ATRNL1: variants seen among roughly 807,000 people sequenced by gnomAD.
ATRNL1 encodes attractin like 1, also known as attractin-like protein 1.
In ATRNL1, 95 loss-of-function variants were observed where a neutral mutation model predicts 182.7. The observed-to-expected ratio is 0.52, with a 90% CI of 0.44 to 0.62. The LOEUF (loss-of-function observed/expected upper bound fraction) is 0.62, where lower values mean the gene tolerates loss of function less well. ATRNL1 is among the 20% of genes least tolerant of loss of function. The pLI, the probability that ATRNL1 is intolerant of heterozygous loss-of-function variation, is 0.00. For synonymous variants in ATRNL1, 576 were observed against 568.3 expected (o/e 1.01, Z -0.19); for missense variants, 1,471 against 1,679.5 (o/e 0.88, Z 2.17).
intron 26 of ATRNL1, among the ~76,000 whole-genome samples, chr10:115,659,412 T>C (rs1555037061): frequency 6.6e-6 from 1 of 152,122 alleles, no homozygotes; most frequent in Non-Finnish European, 1.5e-5. Context: ...CCTTTATTCA[T>C]TTCTTTATTA....
chr10:115,707,901 T>C (rs1243036587), intron 26 of ATRNL1, among the ~76,000 whole-genome samples: 16 of 151,864 alleles, frequency 1.1e-4, no homozygotes, highest in African/African-American at 3.6e-4. Context: ...GTTTTTGATA[T>C]CTGTTGGCAA....
At chr10:115,410,929 G>A (rs898796343) in intron 20 of ATRNL1, among the ~76,000 whole-genome samples, 1 of 149,856 alleles carries the variant, frequency 6.7e-6, no homozygotes, top group Non-Finnish European at 1.5e-5. Flanking sequence ...GTAGAGACAG[G>A]GTTTTACCAT....
At chr10:115,430,392 C>A (rs1756253061) in intron 21 of ATRNL1, among the ~76,000 whole-genome samples, 1 of 151,506 alleles carries the variant, frequency 6.6e-6, no homozygotes. Context: ...GTTGTTTTGC[C>A]TATATTTGCT....
At chr10:115,890,567 T>G (rs1000015281) in intron 28 of ATRNL1, among the ~76,000 whole-genome samples, 1 of 152,162 alleles carries the variant, frequency 6.6e-6, no homozygotes, top group Admixed American at 6.5e-5. Flanking sequence ...TTTTTCCAAG[T>G]GCATTAAGTT....
intron 24 of ATRNL1, among the ~76,000 whole-genome samples, chr10:115,516,618 T>C (rs2133692895): frequency 6.6e-6 from 1 of 152,004 alleles, no homozygotes; most frequent in East Asian, 1.9e-4. Context: ...TATTCCGAAC[T>C]CTTTGTCATG....
chr10:115,241,775 A>G lies in ATRNL1; in HGVS notation c.1687+50A>G, dbSNP rs375776481. On this transcript the variant is annotated intron_variant, in intron 10 of 28. Coordinates refer to ENST00000355044, the MANE Select transcript of ATRNL1 (RefSeq NM_207303.4). The stretch of plus-strand genomic sequence containing the variant: ...AAGTAGGAAATATCAGAAATTTTCC[A>G]TATAGATATTCTCAAATACATTAAT... 25 of 1,486,998 alleles carry G rather than the reference A, an allele frequency of 1.7e-5. No homozygotes were observed. The African/African-American group carries it at 2.9e-4, about 17-fold the overall frequency. 92.1% of individuals were successfully genotyped at this position (1,486,998 alleles called of 1,614,324 possible).
At chr10:115,350,849 A>G (rs1159634559) in intron 19 of ATRNL1, among the ~76,000 whole-genome samples, 2 of 152,084 alleles carry the variant, frequency 1.3e-5, no homozygotes, top group Non-Finnish European at 2.9e-5. Context: ...ATCTGTAGAT[A>G]CCTTTGGGTT....
chr10:115,809,987 A>T (rs762648502), intron 27 of ATRNL1, among the ~76,000 whole-genome samples: 1 of 151,618 alleles, frequency 6.6e-6, no homozygotes, highest in African/African-American at 2.4e-5. Flanking sequence ...TTGCTGAGAA[A>T]TTTTTTTTAG....
At chr10:115,462,890 ATATTTTGCTATCCAT>A (rs1847884069) in intron 22 of ATRNL1, among the ~76,000 whole-genome samples, 1 of 152,048 alleles carries the variant, frequency 6.6e-6, no homozygotes, top group Non-Finnish European at 1.5e-5. Context: ...AATAACACAC[ATATTTTGCTATCCAT>A]CTGAGACTTT....
intron 26 of ATRNL1, among the ~76,000 whole-genome samples, chr10:115,722,489 C>T (rs1947460894): frequency 6.6e-6 from 1 of 152,254 alleles, no homozygotes; most frequent in East Asian, 1.9e-4. Context: ...GTTCTTGCCA[C>T]TTCTCTTCTT....
At chr10:115,647,801 T>G (rs1189378311) in intron 26 of ATRNL1, among the ~76,000 whole-genome samples, 1 of 152,230 alleles carries the variant, frequency 6.6e-6, no homozygotes, top group Non-Finnish European at 1.5e-5. Context: ...GTTCTTTAAT[T>G]AGATCCCATT....
chr10:115,492,706 C>T (rs1296049143), intron 24 of ATRNL1, among the ~76,000 whole-genome samples: 1 of 143,024 alleles, frequency 7.0e-6, no homozygotes, highest in Non-Finnish European at 1.5e-5. Context: ...TGTAGTGGCA[C>T]AATCTTGGCC....
At chr10:115,529,231 T>G (rs1851421633) in intron 25 of ATRNL1, among the ~76,000 whole-genome samples, 1 of 152,074 alleles carries the variant, frequency 6.6e-6, no homozygotes, top group Non-Finnish European at 1.5e-5. Context: ...TTTAATCATT[T>G]GGATTTCTCT....
At chr10:115,152,073 A>G (rs1455160950) in intron 5 of ATRNL1, among the ~76,000 whole-genome samples, 1 of 152,066 alleles carries the variant, frequency 6.6e-6, no homozygotes, top group Non-Finnish European at 1.5e-5. Context: ...ATTGATCTAT[A>G]TCTCTGTTTT....
At chr10:115,231,319 G>A (rs1245094840) in intron 9 of ATRNL1, among the ~76,000 whole-genome samples, 1 of 152,116 alleles carries the variant, frequency 6.6e-6, no homozygotes, top group Non-Finnish European at 1.5e-5. Flanking sequence ...TGAGGATTGA[G>A]TAATGGTCAT....
chr10:115,251,696 C>T (rs1850885224), intron 10 of ATRNL1, among the ~76,000 whole-genome samples: 1 of 152,104 alleles, frequency 6.6e-6, no homozygotes. Flanking sequence ...GTATTGACTT[C>T]AGCATGTGCA....
intron 24 of ATRNL1, among the ~76,000 whole-genome samples, chr10:115,511,753 A>G (rs1243308428): frequency 2.0e-5 from 3 of 151,954 alleles, no homozygotes; most frequent in Admixed American, 6.6e-5. Flanking sequence ...AAAATATAGC[A>G]TATCTTAAAT....
intron 28 of ATRNL1, among the ~76,000 whole-genome samples, chr10:115,922,441 TCTAG>T (rs1225279101): frequency 2.0e-5 from 3 of 152,194 alleles, no homozygotes; most frequent in Non-Finnish European, 4.4e-5. Flanking sequence ...ATTCTATCTA[TCTAG>T]CTAGCTATTT....
intron 28 of ATRNL1, among the ~76,000 whole-genome samples, chr10:115,917,188 C>T (rs972024289): frequency 2.0e-5 from 3 of 152,068 alleles, no homozygotes; most frequent in Non-Finnish European, 4.4e-5. Flanking sequence ...AAAACGGGGC[C>T]GGCTGGGAGC....
Sources: gnomAD v4.1 joint callset for allele counts (sites outside exome capture counted in the v4.1 genomes callset) on GRCh38, gnomAD v4.1.1 for gene constraint, MANE v1.5 for transcripts, NCBI Gene and HGNC (gene_info 2026-07-23, HGNC 2026-07-21) for gene names.